MALRD1: variants seen among roughly 807,000 people sequenced by gnomAD.
The protein encoded by MALRD1 is MAM and LDL receptor class A domain containing 1.
In MALRD1, 247 loss-of-function variants were observed where a neutral mutation model predicts 242.1. That is an observed-to-expected ratio of 1.02 (90% CI 0.92 to 1.13). The LOEUF (loss-of-function observed/expected upper bound fraction) is 1.13, where lower values mean the gene tolerates loss of function less well. Among genes scored for constraint, MALRD1 ranks in the 50% most tolerant of loss-of-function variants. The probability of loss-of-function intolerance (pLI) is 0.00; values close to 1 mark genes in which losing one functional copy is unlikely to be tolerated. For synonymous variants in MALRD1, 995 were observed against 866.6 expected, an observed-to-expected ratio of 1.15 and a Z score of -2.60; for missense variants, 2,989 against 2,533.1, an observed-to-expected ratio of 1.18 and a Z score of -3.86.
At position 19,203,865 on chromosome 10, in the gene MALRD1, C is replaced by G; in HGVS notation, c.2089C>G (p.Leu697Val). The change falls in exon 15 of 40, where the codon CTC becomes GTC. Residue 697 changes from leucine to valine, a missense_variant. Coordinates refer to ENST00000454679, the MANE Select transcript of MALRD1 (RefSeq NM_001142308.3). ...EHQAPPRDHS[L>V]NASQGHFMFI... Reference sequence around the variant, plus strand: ...CCAGGCTCCACCTCGGGATCATAGTCTCAACGCATCTCAAGGTAAGAAGCA... The same window carrying G: ...CCAGGCTCCACCTCGGGATCATAGTGTCAACGCATCTCAAGGTAAGAAGCA... The G allele has an allele frequency of 1.9e-6, 3 of 1,550,448 alleles. No individual in the cohort carries two copies. The highest frequency in any genetic ancestry group is 2.6e-6 in the Non-Finnish European group (3 of 1,146,906).
At chr10:19,456,603 G>C (rs1472194985) in intron 29 of MALRD1, among the ~76,000 whole-genome samples, 2 of 152,132 alleles carry the variant, frequency 1.3e-5, no homozygotes, top group Non-Finnish European at 2.9e-5. Flanking sequence ...ATGAAAAGCT[G>C]TATTTCTGCT....
At chr10:19,321,136 C>CAA (rs1323194513) in intron 21 of MALRD1, among the ~76,000 whole-genome samples, 1 of 152,060 alleles carries the variant, frequency 6.6e-6, no homozygotes, top group Non-Finnish European at 1.5e-5. Flanking sequence ...GTCATGAAGT[C>CAA]TTTGCCCATG....
intron 17 of MALRD1, 41 bp downstream of exon 17, chr10:19,205,306 A>C: frequency 1.3e-6 from 2 of 1,498,802 alleles, no homozygotes; most frequent in Non-Finnish European, 1.8e-6. Context: ...TCTCATTTTG[A>C]AAGTGTTGAC....
chr10:19,438,252 T>C (rs189146489), intron 28 of MALRD1, among the ~76,000 whole-genome samples: 65 of 152,240 alleles, frequency 4.3e-4, no homozygotes, highest in Middle Eastern at 3.4e-3. Context: ...CTCTGCACAA[T>C]AGAAATATAA....
rs1392365977 is a variant in MALRD1 at position 19,270,166 on chromosome 10, C to G, written c.3080-9881C>G. Among the ~76,000 whole-genome samples the G allele has an allele frequency of 2.6e-5, 4 of 151,978 alleles. No homozygotes were observed. In the East Asian group the frequency reaches 7.7e-4, roughly 29 times the overall value. On this transcript the variant is annotated intron_variant, in intron 19 of 39. Coordinates refer to ENST00000454679, the MANE Select transcript of MALRD1 (RefSeq NM_001142308.3). ...CCGGTCTCTACTGAAAATACAAAAA[C>G]TTAGATGGGCATGGTGGTAGGTGCC...
intron 38 of MALRD1, among the ~76,000 whole-genome samples, chr10:19,699,199 A>G (rs1833506534): frequency 7.3e-6 from 1 of 136,948 alleles, no homozygotes; most frequent in African/African-American, 3.5e-5. Context: ...CCCAGAACTT[A>G]AAGTATAATA....
At chr10:19,520,705 A>T (rs1031802444) in intron 31 of MALRD1, among the ~76,000 whole-genome samples, 1 of 151,706 alleles carries the variant, frequency 6.6e-6, no homozygotes, top group South Asian at 2.1e-4. Flanking sequence ...TGTTTCTTTT[A>T]TTTTTTTTCT....
At chr10:19,106,763 T>G (rs1194064049) in intron 5 of MALRD1, among the ~76,000 whole-genome samples, 1 of 151,918 alleles carries the variant, frequency 6.6e-6, no homozygotes, top group Non-Finnish European at 1.5e-5. Flanking sequence ...ATGTAAGCAT[T>G]TATTGGTATA....
At chr10:19,527,998 G>A (rs899955211) in intron 31 of MALRD1, among the ~76,000 whole-genome samples, 1 of 152,144 alleles carries the variant, frequency 6.6e-6, no homozygotes, top group Non-Finnish European at 1.5e-5. Context: ...TTTGACAGGT[G>A]CAGTCTAGGT....
intron 25 of MALRD1, among the ~76,000 whole-genome samples, chr10:19,351,581 A>G (rs1200493698): frequency 6.6e-6 from 1 of 152,160 alleles, no homozygotes; most frequent in Non-Finnish European, 1.5e-5. Flanking sequence ...AAAATAAAAT[A>G]ATTTAAGTTT....
At chr10:19,247,566 A>G (rs150206059) in intron 18 of MALRD1, among the ~76,000 whole-genome samples, 1 of 151,980 alleles carries the variant, frequency 6.6e-6, no homozygotes, top group Non-Finnish European at 1.5e-5. Context: ...TATAATGTGC[A>G]CATTATGTCA....
intron 29 of MALRD1, among the ~76,000 whole-genome samples, chr10:19,473,077 G>A (rs1836572908): frequency 7.0e-6 from 1 of 143,670 alleles, no homozygotes; most frequent in African/African-American, 2.5e-5. Context: ...TCCAAAGCTT[G>A]TTCATATATA....
At chr10:19,141,897 G>T (rs918632973) in intron 10 of MALRD1, among the ~76,000 whole-genome samples, 10 of 152,006 alleles carry the variant, frequency 6.6e-5, no homozygotes, top group African/African-American at 1.9e-4. Context: ...GTTGGGCCGG[G>T]TGCGGTGGCT....
chr10:19,257,314 T>C (rs1839559266), intron 18 of MALRD1, among the ~76,000 whole-genome samples: 1 of 152,086 alleles, frequency 6.6e-6, no homozygotes. Flanking sequence ...CCCAGGAGGA[T>C]GAGGGAACAA....
chr10:19,460,440 C>T (rs768755401), intron 29 of MALRD1, among the ~76,000 whole-genome samples: 15 of 93,506 alleles, frequency 1.6e-4, no homozygotes, highest in East Asian at 9.7e-4. Flanking sequence ...AATGCACATA[C>T]GCACACACAG....
rs542842096 is a variant in MALRD1, at chr10:19,456,495, A to T, written c.5029+6005A>T. Among the ~76,000 whole-genome samples, 4 of 152,270 alleles carry T rather than the reference A, an allele frequency of 2.6e-5. No individual in the cohort carries two copies. In the East Asian group the frequency reaches 7.7e-4, roughly 29 times the overall value. ...TCAAATTGAACTTGGGAGATCACAA[A>T]ACAGTGATTGCTTTATATAAAGTTC... On this transcript the variant is annotated intron_variant, in intron 29 of 39. Coordinates refer to ENST00000454679, the MANE Select transcript of MALRD1 (RefSeq NM_001142308.3).
intron 19 of MALRD1, among the ~76,000 whole-genome samples, chr10:19,263,719 CT>C (rs1332419264): frequency 6.6e-6 from 1 of 152,002 alleles, no homozygotes; most frequent in African/African-American, 2.4e-5. Flanking sequence ...ATTCTTGTCA[CT>C]TTTTTTATTG....
At chr10:19,475,347 G>A (rs566944678) in intron 29 of MALRD1, among the ~76,000 whole-genome samples, 3 of 152,162 alleles carry the variant, frequency 2.0e-5, no homozygotes, top group East Asian at 1.9e-4. Flanking sequence ...CCCAGGAGGC[G>A]GAGCTTGCAG....
intron 33 of MALRD1, among the ~76,000 whole-genome samples, chr10:19,592,494 A>G (rs1465142692): frequency 1.3e-5 from 2 of 152,090 alleles, no homozygotes; most frequent in African/African-American, 4.8e-5. Flanking sequence ...TCATCTGGCA[A>G]CCTCCCAGGA....
Sources: gnomAD v4.1 joint callset for allele counts (sites outside exome capture counted in the v4.1 genomes callset) on GRCh38, gnomAD v4.1.1 for gene constraint, MANE v1.5 for transcripts, NCBI Gene and HGNC (gene_info 2026-07-23, HGNC 2026-07-21) for gene names.